Variants in MEGF11 observed in about 807,000 individuals in gnomAD.
The protein encoded by MEGF11 is multiple epidermal growth factor-like domains protein 11.
Under a neutral mutation model 146.6 loss-of-function variants are expected in MEGF11, and 126 were observed. The ratio of observed to expected loss-of-function variants is 0.86; its 90% CI spans 0.74 to 1.00. The LOEUF (loss-of-function observed/expected upper bound fraction) is 1.00, where lower values mean the gene tolerates loss of function less well. Among genes scored for constraint, MEGF11 ranks in the 50% least tolerant of loss-of-function variants. The pLI is 0.00. For missense variants in MEGF11, 1,509 were observed against 1,521.2 expected, an observed-to-expected ratio of 0.99 and a Z score of 0.13; for synonymous variants, 532 against 583.4, an observed-to-expected ratio of 0.91 and a Z score of 1.27.
chr15:66,199,699 G>A (rs1023797207), intron 1 of MEGF11, among the ~76,000 whole-genome samples: 1 of 152,198 alleles, frequency 6.6e-6, no homozygotes, highest in African/African-American at 2.4e-5. Flanking sequence ...TGAGGCAGGA[G>A]GATTGGTTTG....
At chr15:65,968,993 G>A (rs1237666182) in intron 8 of MEGF11, among the ~76,000 whole-genome samples, 2 of 152,188 alleles carry the variant, frequency 1.3e-5, no homozygotes, top group Non-Finnish European at 2.9e-5. Flanking sequence ...GTTTAGGTGA[G>A]AAGCCCAAAT....
chr15:65,916,402 C>T (rs2078999216), intron 17 of MEGF11, 126 bp from the exon 18 acceptor site: 1 of 1,218,742 alleles, frequency 8.2e-7, no homozygotes, highest in East Asian at 2.6e-5. Flanking sequence ...TGAGACCCTG[C>T]ACCAGAGTTG....
intron 5 of MEGF11, among the ~76,000 whole-genome samples, chr15:66,058,653 T>C (rs1298730893): frequency 6.6e-6 from 1 of 152,124 alleles, no homozygotes; most frequent in Non-Finnish European, 1.5e-5. Context: ...AAGTTGCCTC[T>C]GGGTGCCTCA....
intron 1 of MEGF11, among the ~76,000 whole-genome samples, chr15:66,252,247 C>T (rs1040614593): frequency 1.3e-3 from 174 of 129,758 alleles, no homozygotes; most frequent in African/African-American, 4.1e-3. Flanking sequence ...CACCCCCCAC[C>T]GGCCGGGGTT....
At chr15:66,179,244 C>T (rs1410917497) in intron 1 of MEGF11, among the ~76,000 whole-genome samples, 1 of 152,172 alleles carries the variant, frequency 6.6e-6, no homozygotes, top group Non-Finnish European at 1.5e-5. Flanking sequence ...GAGAGTCTCC[C>T]TTCTCAGCCT....
chr15:66,073,892 C>A (rs925497807), intron 5 of MEGF11, among the ~76,000 whole-genome samples: 1 of 152,192 alleles, frequency 6.6e-6, no homozygotes, highest in African/African-American at 2.4e-5. Context: ...TGTTTTCCCC[C>A]ACATGAGCTT....
At chr15:66,220,013 G>A (rs999241166) in intron 1 of MEGF11, among the ~76,000 whole-genome samples, 1 of 152,018 alleles carries the variant, frequency 6.6e-6, no homozygotes, top group South Asian at 2.1e-4. Flanking sequence ...TTAAAATAAG[G>A]TCATACTGGA....
intron 9 of MEGF11, among the ~76,000 whole-genome samples, chr15:65,964,119 A>T (rs2080970247): frequency 6.6e-6 from 1 of 152,204 alleles, no homozygotes; most frequent in Admixed American, 6.5e-5. Flanking sequence ...TCCAGGGCTG[A>T]CAGTCTCAAT....
At chr15:66,155,740 C>T (rs914981539) in intron 1 of MEGF11, among the ~76,000 whole-genome samples, 2 of 152,164 alleles carry the variant, frequency 1.3e-5, no homozygotes, top group African/African-American at 2.4e-5. Context: ...TTTATCTCAC[C>T]TCCCTCATCC....
chr15:66,062,798 C>T (rs936202580), intron 5 of MEGF11, among the ~76,000 whole-genome samples: 3 of 152,302 alleles, frequency 2.0e-5, no homozygotes, highest in Non-Finnish European at 4.4e-5. Context: ...AGGTAGAAGA[C>T]ACAGCCAGTG....
At chr15:66,058,447 T>A (rs1488276491) in intron 5 of MEGF11, among the ~76,000 whole-genome samples, 2 of 152,136 alleles carry the variant, frequency 1.3e-5, no homozygotes, top group African/African-American at 4.8e-5. Flanking sequence ...AGCCAGGAGC[T>A]GAGGAGGCAG....
At chr15:65,994,885 G>C (rs1344749314) in intron 5 of MEGF11, among the ~76,000 whole-genome samples, 1 of 152,226 alleles carries the variant, frequency 6.6e-6, no homozygotes, top group Non-Finnish European at 1.5e-5. Flanking sequence ...CCTGGTGCTT[G>C]GAGTTGCTTT....
intron 1 of MEGF11, among the ~76,000 whole-genome samples, chr15:66,206,243 A>G (rs1567283604): frequency 6.6e-6 from 1 of 152,188 alleles, no homozygotes; most frequent in Non-Finnish European, 1.5e-5. Flanking sequence ...TAACAGGGAG[A>G]AAACAGACTT....
chr15:65,918,478 C>A (rs78584167), intron 15 of MEGF11, among the ~76,000 whole-genome samples: 9,467 of 152,336 alleles, frequency 0.062, 423 homozygotes, highest in Non-Finnish European at 0.093. Flanking sequence ...TTACCACTTT[C>A]ACCAACATCA....
chr15:65,997,989 C>T (rs552098030), intron 5 of MEGF11, among the ~76,000 whole-genome samples: 17 of 151,114 alleles, frequency 1.1e-4, no homozygotes, highest in South Asian at 6.3e-4. Context: ...GCAGATGTCC[C>T]GGGGTGGGGA....
intron 16 of MEGF11, among the ~76,000 whole-genome samples, chr15:65,917,237 G>T (rs1355739138): frequency 6.6e-6 from 1 of 152,158 alleles, no homozygotes; most frequent in African/African-American, 2.4e-5. Flanking sequence ...CCCCTCTCAG[G>T]GGACTGATTT....
At chr15:66,106,859 A>G (rs4776729) in intron 4 of MEGF11, among the ~76,000 whole-genome samples, 14,108 of 152,230 alleles carry the variant, frequency 0.093, 882 homozygotes, top group Middle Eastern at 0.19. Flanking sequence ...CTAGGGTAAA[A>G]GACACTGAAT....
intron 1 of MEGF11, among the ~76,000 whole-genome samples, chr15:66,236,354 C>T (rs149567591): frequency 6.9e-4 from 105 of 152,168 alleles, no homozygotes; most frequent in South Asian, 3.3e-3. Flanking sequence ...AAAGGGTTTC[C>T]GACAGGCAGG....
chr15:66,110,023 G>A (rs1384562432), intron 4 of MEGF11, among the ~76,000 whole-genome samples: 2 of 152,142 alleles, frequency 1.3e-5, no homozygotes, highest in African/African-American at 2.4e-5. Context: ...GAGGGGCCCC[G>A]GGGTGGCAGG....
Sources: allele counts gnomAD v4.1 joint callset (sites outside exome capture counted in the v4.1 genomes callset), GRCh38; gene constraint gnomAD v4.1.1; transcripts MANE v1.5; gene names NCBI Gene and HGNC (gene_info 2026-07-23, HGNC 2026-07-21).